The following PTH2R variants were observed in gnomAD, a reference collection of about 807,000 sequenced individuals.
PTH2R encodes PTH2 receptor.
In PTH2R, 59 loss-of-function variants were observed where a neutral mutation model predicts 60.3. The ratio of observed to expected loss-of-function variants is 0.98; its 90% confidence interval spans 0.79 to 1.22. PTH2R has a LOEUF of 1.22. Among genes scored for constraint, PTH2R ranks in the 50% most tolerant of loss-of-function variants. The probability of loss-of-function intolerance (pLI) is 0.00; values close to 1 mark genes in which losing one functional copy is unlikely to be tolerated. For missense variants in PTH2R, 749 were observed against 682.6 expected, an observed-to-expected ratio of 1.10 and a Z score of -1.08; for synonymous variants, 256 against 243.8, an observed-to-expected ratio of 1.05 and a Z score of -0.47.
At chr2:208,360,303 GGT>G in intron 1 of PTH2R, 1 of 352,118 alleles carries the variant, frequency 2.8e-6, no homozygotes, top group Non-Finnish European at 5.7e-6. Context: ...GTCTCCTACT[GGT>G]CCCTAGGAAC....
chr2:208,490,514 T>G, intron 11 of PTH2R, 125 bp from the exon 12 acceptor site: 1 of 785,170 alleles, frequency 1.3e-6, no homozygotes, highest in Non-Finnish European at 2.0e-6. Context: ...GAGAGAATAA[T>G]TTGTATATAA....
chr2:208,443,978 T>C (rs945164677), intron 6 of PTH2R, among the ~76,000 whole-genome samples: 10 of 152,238 alleles, frequency 6.6e-5, no homozygotes, highest in African/African-American at 2.4e-5. Flanking sequence ...TTGAATGTCC[T>C]GGTGGTAGTA....
chr2:208,404,905 A>G (rs1701373620), upstream of PTH2R, among the ~76,000 whole-genome samples: 2 of 152,230 alleles, frequency 1.3e-5, no homozygotes, highest in South Asian at 4.1e-4. Context: ...AAGACTGCCA[A>G]CCATTTGATG....
chr2:208,487,145 T>C (rs370920907), intron 10 of PTH2R, among the ~76,000 whole-genome samples: 2 of 152,220 alleles, frequency 1.3e-5, no homozygotes, highest in East Asian at 3.8e-4. Context: ...GGAAAGTGTA[T>C]GTACATGGAA....
intron 1 of PTH2R, among the ~76,000 whole-genome samples, chr2:208,390,101 C>G (rs941188422): frequency 2.1e-4 from 32 of 151,470 alleles, no homozygotes; most frequent in African/African-American, 4.9e-4. Context: ...TTTAGATGAC[C>G]CTTGTTGCAC....
Position 208,489,220 on chromosome 2 carries a change from C to G in PTH2R, c.1215+70C>G, listed in dbSNP as rs1703347872. On this transcript the variant is annotated intron_variant, in intron 11 of 12. Coordinates refer to ENST00000272847, the MANE Select transcript of PTH2R (RefSeq NM_005048.4). Reference sequence around the variant, plus strand: ...TTTTTTCCTTTTGGTCACTTACAACCTTTTTCTCTGCACTCTCTCTGGCTT... The same window carrying G: ...TTTTTTCCTTTTGGTCACTTACAACGTTTTTCTCTGCACTCTCTCTGGCTT... The G allele has an allele frequency of 2.5e-6, 4 of 1,584,852 alleles. No individual in the cohort carries two copies. The Admixed American group carries it at 6.8e-5, about 27-fold the overall frequency.
intron 1 of PTH2R, among the ~76,000 whole-genome samples, chr2:208,383,841 T>A (rs1220667229): frequency 1.3e-5 from 2 of 152,170 alleles, no homozygotes; most frequent in Non-Finnish European, 2.9e-5. Flanking sequence ...AGTGGGGATC[T>A]GCATGCTCTG....
chr2:208,441,223 A>G (rs535294969), intron 4 of PTH2R, among the ~76,000 whole-genome samples: 34 of 152,196 alleles, frequency 2.2e-4, no homozygotes, highest in Non-Finnish European at 4.0e-4. Flanking sequence ...ATATATTATT[A>G]TAAAGGATAT....
chr2:208,389,785 T>C (rs1047222280), intron 1 of PTH2R, among the ~76,000 whole-genome samples: 1 of 152,156 alleles, frequency 6.6e-6, no homozygotes, highest in African/African-American at 2.4e-5. Context: ...ATAGATTTCT[T>C]TTCCGCTTTT....
chr2:208,370,992 G>A (rs1353470222), intron 1 of PTH2R, among the ~76,000 whole-genome samples: 4 of 151,958 alleles, frequency 2.6e-5, no homozygotes, highest in East Asian at 3.9e-4. Flanking sequence ...AGAGAGGGTC[G>A]GGGGGTGCCA....
At chr2:208,368,894 C>T (rs1417993851) in intron 1 of PTH2R, among the ~76,000 whole-genome samples, 2 of 152,202 alleles carry the variant, frequency 1.3e-5, no homozygotes, top group Non-Finnish European at 2.9e-5. Context: ...TTCTGGGTAA[C>T]ATTTCAAAAA....
intron 4 of PTH2R, among the ~76,000 whole-genome samples, chr2:208,439,189 T>G (rs1702134710): frequency 6.6e-6 from 1 of 152,128 alleles, no homozygotes; most frequent in South Asian, 2.1e-4. Flanking sequence ...TCTAATCTTA[T>G]AACCATTTTC....
At chr2:208,397,800 G>A (rs1332378654) in intron 1 of PTH2R, among the ~76,000 whole-genome samples, 2 of 152,200 alleles carry the variant, frequency 1.3e-5, no homozygotes, top group Admixed American at 1.3e-4. Context: ...GATATGTGGG[G>A]TGGCCATGTT....
At chr2:208,455,589 T>C (rs1370713987) in intron 8 of PTH2R, among the ~76,000 whole-genome samples, 20 of 152,248 alleles carry the variant, frequency 1.3e-4, no homozygotes, top group Admixed American at 1.2e-3. Context: ...ATAAACTGTG[T>C]TGCCACTTCT....
At chr2:208,391,377 T>G (rs1212387539) in intron 1 of PTH2R, among the ~76,000 whole-genome samples, 1 of 152,190 alleles carries the variant, frequency 6.6e-6, no homozygotes, top group African/African-American at 2.4e-5. Context: ...TTTCTTGGGA[T>G]AATTTTCTGA....
intron 9 of PTH2R, among the ~76,000 whole-genome samples, chr2:208,474,316 GGT>G (rs1452633310): frequency 5.9e-5 from 9 of 152,126 alleles, no homozygotes; most frequent in Non-Finnish European, 1.0e-4. Flanking sequence ...TAATAGTAGA[GGT>G]GTAGTAACAG....
chr2:208,477,955 C>T (rs1703052548), intron 9 of PTH2R, among the ~76,000 whole-genome samples: 3 of 28,606 alleles, frequency 1.0e-4, no homozygotes, highest in Admixed American at 1.2e-3. Context: ...AGTACTAGCA[C>T]TACTACTAGT....
intron 2 of PTH2R, among the ~76,000 whole-genome samples, chr2:208,432,536 A>T (rs1041637321): frequency 1.3e-5 from 2 of 152,206 alleles, no homozygotes; most frequent in South Asian, 2.1e-4. Flanking sequence ...AACTAATAGG[A>T]TATAAGTATA....
intron 7 of PTH2R, among the ~76,000 whole-genome samples, chr2:208,446,711 T>G (rs1702294337): frequency 6.6e-6 from 1 of 152,320 alleles, no homozygotes; most frequent in South Asian, 2.1e-4. Flanking sequence ...GATTCTCTGC[T>G]CCTAAAACAC....
Sources: gnomAD v4.1 joint callset for allele counts (sites outside exome capture counted in the v4.1 genomes callset) on GRCh38, gnomAD v4.1.1 for gene constraint, MANE v1.5 for transcripts, NCBI Gene and HGNC (gene_info 2026-07-23, HGNC 2026-07-21) for gene names.